The following CHD3 variants were observed in gnomAD, a reference collection of about 807,000 sequenced individuals.
CHD3 encodes chromodomain helicase DNA binding protein 3, also known as ATP-dependent chromatin remodeler CHD3.
Under a neutral mutation model 248.9 loss-of-function variants are expected in CHD3, and 52 were observed. The ratio of observed to expected loss-of-function variants is 0.21; its 90% CI spans 0.17 to 0.26. The LOEUF (loss-of-function observed/expected upper bound fraction) is 0.26, where lower values mean the gene tolerates loss of function less well. CHD3 is among the 10% of genes least tolerant of loss of function. CHD3 has a pLI of 1.00. For synonymous variants in CHD3, 985 were observed against 985.2 expected (o/e 1.00, Z 0.00); for missense variants, 1,482 against 2,605.8 (o/e 0.57, Z 9.39).
intron 13 of CHD3, 80 bp downstream of exon 13, chr17:7,898,675 C>A: frequency 9.5e-7 from 1 of 1,049,682 alleles, no homozygotes; most frequent in Non-Finnish European, 1.4e-6. Flanking sequence ...ATGGAACTTC[C>A]CAGAGATTCA....
Position 7,905,475 on chromosome 17 carries a change from C to T in CHD3, c.4139-146C>T. The T allele has an allele frequency of 1.5e-6, 1 of 664,778 alleles. No homozygotes were observed. Among genetic ancestry groups the T allele is most frequent in the East Asian group, 2.7e-5 (1 of 36,596 alleles). 41.2% of individuals were successfully genotyped at this position (664,778 alleles called of 1,614,324 possible). Reference sequence around the variant, plus strand: ...TTTTAGACTTAGTGGGTTAGTAGTTCTGAAGTGCTTGGGAGAGAATTGGGA... The same window carrying T: ...TTTTAGACTTAGTGGGTTAGTAGTTTTGAAGTGCTTGGGAGAGAATTGGGA... On this transcript the variant is annotated intron_variant, in intron 26 of 39. Transcript: ENST00000330494. The surrounding 1 kb of genome is among the most constrained non-coding windows in gnomAD (Gnocchi z 5.8).
chr17:7,893,415 GGCAGCA>G lies in CHD3; in HGVS notation c.651_656del (p.Ala218_Ala219del), dbSNP rs748472194. ...CAGCAGCTGCTGTGGCGGCGGCAGC[GGCAGCA>G]GCAGCAGCAGCTGTAGCTGAGCAGG... On this transcript the variant is annotated inframe_deletion, in exon 5 of 40. Coordinates refer to ENST00000330494, the MANE Select transcript of CHD3 (RefSeq NM_001005273.3). The G allele has an allele frequency of 5.6e-6, 9 of 1,610,456 alleles. No individual in the cohort carries two copies. Among genetic ancestry groups the G allele is most frequent in the Non-Finnish European group, 5.9e-6 (7 of 1,178,170 alleles).
At chr17:7,885,169 C>A, upstream of CHD3, 1 of 980,594 alleles carries the variant, frequency 1.0e-6, no homozygotes, top group Non-Finnish European at 1.2e-6. Flanking sequence ...ACCCACCGCG[C>A]GGCCGAGCCG....
At position 7,897,358 on chromosome 17, in the gene CHD3, C is replaced by A; in HGVS notation, c.1919+64C>A. On this transcript the variant is annotated intron_variant, in intron 11 of 39. Transcript: ENST00000330494. This position sits in a 1 kb window ranked among gnomAD's most constrained non-coding sequence, Gnocchi z 4.8. ...GACATTATTCTTACCATGGTGATGG[C>A]CCCATGTTAGTATTTGCTGATTAAC... The A allele has an allele frequency of 1.5e-6, 2 of 1,363,838 alleles. No individual in the cohort carries two copies. Among genetic ancestry groups the A allele is most frequent in the Non-Finnish European group, 2.1e-6 (2 of 965,554 alleles). The allele number at this position is 1,363,838 out of a possible 1,614,324, so 84.5% of individuals were successfully genotyped here. A position where few individuals can be genotyped will look rare whatever the true frequency, so the allele number is the denominator to read the frequency against.
Position 7,902,966 on chromosome 17 carries a change from C to T in CHD3, c.3400C>T (p.Leu1134=). The T allele has an allele frequency of 6.2e-7, 1 of 1,614,162 alleles. No homozygotes were observed. Among genetic ancestry groups the T allele is most frequent in the Non-Finnish European group, 8.5e-7 (1 of 1,180,030 alleles). Residue 1134 remains leucine (L), a synonymous_variant, in exon 22 of 40, where the codon CTG becomes TTG. Transcript: ENST00000330494. ...TGGGGCCCAACAATTCTGCTTCCTCCTGTCCACCCGAGCTGGGGGCCTGGG... is the reference window on the plus strand; with the variant it reads ...TGGGGCCCAACAATTCTGCTTCCTCTTGTCCACCCGAGCTGGGGGCCTGGG... ...APGAQQFCFL[L]STRAGGLGIN...
At chr17:7,885,046 G>A (rs938708837), upstream of CHD3, 70 of 1,048,738 alleles carry the variant, frequency 6.7e-5, no homozygotes, top group Non-Finnish European at 7.3e-5. Flanking sequence ...CGCCGCCGCC[G>A]CCACCGCTGC....
intron 2 of CHD3, 125 bp from the exon 3 acceptor site, chr17:7,890,446 T>A: frequency 1.7e-5 from 11 of 663,742 alleles, no homozygotes; most frequent in South Asian, 2.8e-5. Context: ...AAAAAGGAGA[T>A]AAAAAATTAG....
Position 7,911,525 on chromosome 17 carries a change from G to A in CHD3, c.5943G>A (p.Val1981=). The change falls in exon 40 of 40, where the codon GTG becomes GTA. Residue 1981 remains valine, a synonymous_variant. Transcript: ENST00000330494. The surrounding 1 kb of genome is among the most constrained non-coding windows in gnomAD (Gnocchi z 5.4). The stretch of plus-strand genomic sequence containing the variant: ...AGAAGGAAATGGTGGGGGCATTGGT[G>A]TCAGACGGGCTGGATCGGAAGGAGC... ...KKEKEMVGAL[V]SDGLDRKEPR... 6.2e-7 allele frequency: 1 copy of A among 1,614,252 alleles called. No homozygotes were observed. Among genetic ancestry groups the A allele is most frequent in the Non-Finnish European group, 8.5e-7 (1 of 1,180,046 alleles).
At chr17:7,891,776 G>T (rs895193190) in intron 4 of CHD3, among the ~76,000 whole-genome samples, 3 of 151,722 alleles carry the variant, frequency 2.0e-5, no homozygotes, top group Admixed American at 2.0e-4. Flanking sequence ...CAGGAGAATC[G>T]CTTGAACCCG....
At chr17:7,885,456 G>A (rs1213483946), upstream of CHD3, among the ~76,000 whole-genome samples, 1 of 151,538 alleles carries the variant, frequency 6.6e-6, no homozygotes, top group African/African-American at 2.4e-5. Context: ...CGGCGGGGAG[G>A]GGGTAGGCAG....
chr17:7,885,140 A>G, upstream of CHD3: 1 of 980,394 alleles, frequency 1.0e-6, no homozygotes, highest in Non-Finnish European at 1.2e-6. Context: ...GGGCGCGCGA[A>G]GCCGGGCGGG....
chr17:7,885,154 G>A, upstream of CHD3: 1 of 982,058 alleles, frequency 1.0e-6, no homozygotes, highest in Non-Finnish European at 1.2e-6. Context: ...GGGCGGGGGC[G>A]AGGCACCCAC....
rs755559882 is a variant in CHD3, at chr17:7,888,974, G to A, written c.-27G>A. ...GCTACTTGGGAGGAGGAATATTTAGGTAATTGTGGAGACTTTCTCCTGTGT... is the reference window on the plus strand; with the variant it reads ...GCTACTTGGGAGGAGGAATATTTAGATAATTGTGGAGACTTTCTCCTGTGT... On this transcript the variant is annotated 5_prime_UTR_variant, in exon 1 of 40. Coordinates refer to ENST00000330494, the MANE Select transcript of CHD3 (RefSeq NM_001005273.3). 1.3e-5 allele frequency: 21 copies of A among 1,614,110 alleles called. No individual in the cohort carries two copies. In the South Asian group the frequency reaches 2.1e-4, roughly 16 times the overall value.
rs1253016230 is a variant in CHD3, at chr17:7,909,297, C to T, written c.5549C>T (p.Ser1850Leu). ...AGCCACCAGCACCTCTCCAAGGAGTCGCTGGCGGGGAACAAGCCGGCCAAC... is the reference window on the plus strand; with the variant it reads ...AGCCACCAGCACCTCTCCAAGGAGTTGCTGGCGGGGAACAAGCCGGCCAAC... ...AESHQHLSKE[S>L]LAGNKPANAV... Residue 1850 changes from serine (S) to leucine (L), a missense_variant, in exon 37 of 40, where the codon TCG (serine) becomes TTG (leucine). By Grantham distance (145) the Ser-to-Leu change is moderately radical. Transcript: ENST00000330494. This position sits in a 1 kb window ranked among gnomAD's most constrained non-coding sequence, Gnocchi z 8.1. 6.4e-6 allele frequency: 10 copies of T among 1,562,122 alleles called. No individual in the cohort carries two copies. The highest frequency in any genetic ancestry group is 1.2e-5 in the South Asian group (1 of 84,844).
Position 7,893,930 on chromosome 17 carries a change from G to C in CHD3, c.919G>C (p.Gly307Arg), listed in dbSNP as rs963882405. The change falls in exon 6 of 40, where the codon GGC (glycine) becomes CGC (arginine). Residue 307 changes from glycine (G) to arginine (R), a missense_variant. Gly to Arg is a moderately radical substitution (Grantham distance 125). Coordinates refer to ENST00000330494, the MANE Select transcript of CHD3 (RefSeq NM_001005273.3). ...GLLGGKRKKGGSYVFQSDEGP... is the reference protein window; with the variant it reads ...GLLGGKRKKGRSYVFQSDEGP... ...TCTGGGTGGCAAGAGGAAGAAAGGA[G>C]GCTCGGTGAGTGACCCGTCCCTGTC... is the stretch of plus-strand genomic sequence containing the variant. 6 of 1,538,016 alleles carry C rather than the reference G, an allele frequency of 3.9e-6. No individual in the cohort carries two copies. Among genetic ancestry groups the C allele is most frequent in the Non-Finnish European group, 5.3e-6 (6 of 1,138,792 alleles).
At position 7,908,390 on chromosome 17, in the gene CHD3, C is replaced by T. The variant is rs558199100; in HGVS notation, c.5153-12C>T. On this transcript the variant is annotated splice_polypyrimidine_tract_variant and intron_variant, in intron 34 of 39. Transcript: ENST00000330494. This position sits in a 1 kb window ranked among gnomAD's most constrained non-coding sequence, Gnocchi z 5.8. The stretch of plus-strand genomic sequence containing the variant: ...ACCCTGTTACCTCTTCTGTCTGCTG[C>T]CTTCTTTGCAGAGCTTCACACACTG... The T allele has an allele frequency of 1.2e-6, 2 of 1,608,356 alleles. No individual in the cohort carries two copies. Among genetic ancestry groups the T allele is most frequent in the East Asian group, 4.5e-5 (2 of 44,840 alleles).
rs781122260 is a variant in CHD3 at position 7,907,598 on chromosome 17, C to T, written c.4925-3C>T. 4 of 1,511,782 alleles carry T rather than the reference C, an allele frequency of 2.6e-6. No individual in the cohort carries two copies. Among genetic ancestry groups the T allele is most frequent in the East Asian group, 2.3e-5 (1 of 43,088 alleles). The allele number at this position is 1,511,782 out of a possible 1,614,324, so 93.6% of individuals were successfully genotyped here. A position where few individuals can be genotyped will look rare whatever the true frequency, so the allele number is the denominator to read the frequency against. ...CCTTCCTATCCCCTACCCCCTCCCA[C>T]AGCCACAGAGTCGACGCCAGGAGAA... On this transcript the variant is annotated splice_region_variant and splice_polypyrimidine_tract_variant and intron_variant, in intron 32 of 39. Coordinates refer to ENST00000330494, the MANE Select transcript of CHD3 (RefSeq NM_001005273.3). The surrounding 1 kb of genome is among the most constrained non-coding windows in gnomAD (Gnocchi z 4.3).
intron 3 of CHD3, 21 bp from the exon 4 acceptor site, chr17:7,890,919 A>C: frequency 1.2e-6 from 2 of 1,613,752 alleles, no homozygotes; most frequent in Non-Finnish European, 1.7e-6. Context: ...CACCTACTTC[A>C]CCAAAGCCCC....
At position 7,911,559 on chromosome 17, in the gene CHD3, G is replaced by T; in HGVS notation, c.5977G>T (p.Gly1993Trp). The T allele has an allele frequency of 6.2e-7, 1 of 1,614,108 alleles. No homozygotes were observed. The highest frequency in any genetic ancestry group is 1.1e-5 in the South Asian group (1 of 91,080). Residue 1993 changes from glycine (G) to tryptophan (W), a missense_variant, in exon 40 of 40, where the codon GGG becomes TGG. Coordinates refer to ENST00000330494, the MANE Select transcript of CHD3 (RefSeq NM_001005273.3). This position sits in a 1 kb window ranked among gnomAD's most constrained non-coding sequence, Gnocchi z 5.4. ...DGLDRKEPRA[G>W]EVICIDD The stretch of plus-strand genomic sequence containing the variant: ...GCTGGATCGGAAGGAGCCCCGAGCC[G>T]GGGAGGTGATCTGTATAGACGACTG...
Sources: allele counts gnomAD v4.1 joint callset (sites outside exome capture counted in the v4.1 genomes callset), GRCh38; gene constraint gnomAD v4.1.1; non-coding constraint Gnocchi (gnomAD v3.1); transcripts MANE v1.5; gene names NCBI Gene and HGNC (gene_info 2026-07-23, HGNC 2026-07-21).